The following DGKI variants were observed in gnomAD, a reference collection of about 807,000 sequenced individuals.
DGKI encodes DAG kinase iota.
A neutral mutation model predicts 147.5 loss-of-function variants in DGKI; 55 were observed. That is an observed-to-expected ratio of 0.37 (90% confidence interval 0.30 to 0.47). The LOEUF (loss-of-function observed/expected upper bound fraction) is 0.47, where lower values mean the gene tolerates loss of function less well. DGKI is among the 20% of genes least tolerant of loss of function. DGKI has a pLI of 1.00. For synonymous variants in DGKI, 469 were observed against 477.1 expected, an observed-to-expected ratio of 0.98 and a Z score of 0.22; for missense variants, 1,007 against 1,323.8, an observed-to-expected ratio of 0.76 and a Z score of 3.71.
At chr7:137,820,386 A>G (rs1259696725) in intron 1 of DGKI, among the ~76,000 whole-genome samples, 1 of 152,168 alleles carries the variant, frequency 6.6e-6, no homozygotes, top group African/African-American at 2.4e-5. Context: ...TTTCTGATTC[A>G]TCCCACAGAA....
At chr7:137,526,264 A>AACAT in intron 20 of DGKI, among the ~76,000 whole-genome samples, 1 of 152,194 alleles carries the variant, frequency 6.6e-6, no homozygotes, top group African/African-American at 2.4e-5. Context: ...GCCACAAGAT[A>AACAT]CTGCCATACT....
chr7:137,587,303 C>T, intron 12 of DGKI, 93 bp from the exon 13 acceptor site: 2 of 900,274 alleles, frequency 2.2e-6, no homozygotes, highest in South Asian at 2.3e-5. Context: ...AAGAGCTAAA[C>T]AGAATGGTTT....
At chr7:137,716,415 T>C (rs1287489790) in intron 1 of DGKI, among the ~76,000 whole-genome samples, 3 of 152,198 alleles carry the variant, frequency 2.0e-5, no homozygotes, top group African/African-American at 4.8e-5. Context: ...TCAAATTCTA[T>C]TGCTGTAACA....
intron 1 of DGKI, among the ~76,000 whole-genome samples, chr7:137,727,661 A>G (rs1005257948): frequency 6.6e-6 from 1 of 152,222 alleles, no homozygotes; most frequent in Non-Finnish European, 1.5e-5. Flanking sequence ...CTGTTCATCA[A>G]ACATTCAAAT....
At chr7:137,841,230 C>T (rs2117107656) in intron 1 of DGKI, among the ~76,000 whole-genome samples, 1 of 152,322 alleles carries the variant, frequency 6.6e-6, no homozygotes, top group East Asian at 1.9e-4. Context: ...AGGAGTTTTC[C>T]TGGTGAACAA....
chr7:137,536,250 T>C (rs912976578), intron 20 of DGKI, among the ~76,000 whole-genome samples: 3 of 152,174 alleles, frequency 2.0e-5, no homozygotes, highest in African/African-American at 4.8e-5. Context: ...ATAGGCAAGT[T>C]TCCTACCATT....
chr7:137,411,795 A>G (rs1585088176), intron 29 of DGKI, among the ~76,000 whole-genome samples: 1 of 152,318 alleles, frequency 6.6e-6, no homozygotes, highest in African/African-American at 2.4e-5. Context: ...AAACCACGAC[A>G]AGGAAAGATT....
At chr7:137,411,902 C>T (rs150824305) in intron 29 of DGKI, among the ~76,000 whole-genome samples, 41 of 152,254 alleles carry the variant, frequency 2.7e-4, no homozygotes, top group African/African-American at 9.6e-4. Flanking sequence ...TCTTTAAATT[C>T]TTCAAATGTC....
chr7:137,590,996 C>T (rs535041640), intron 12 of DGKI, among the ~76,000 whole-genome samples: 7 of 152,292 alleles, frequency 4.6e-5, no homozygotes, highest in South Asian at 4.1e-4. Flanking sequence ...GCTGATGCTG[C>T]GTCTTCTAAC....
intron 27 of DGKI, among the ~76,000 whole-genome samples, chr7:137,457,660 A>T (rs567524038): frequency 1.1e-3 from 162 of 152,288 alleles, no homozygotes; most frequent in Non-Finnish European, 2.0e-3. Flanking sequence ...GTATCTTGGT[A>T]TCTCCAAATA....
At chr7:137,577,857 T>C (rs570824095) in intron 16 of DGKI, among the ~76,000 whole-genome samples, 3 of 152,300 alleles carry the variant, frequency 2.0e-5, no homozygotes, top group African/African-American at 7.2e-5. Flanking sequence ...AAACACCCCA[T>C]ATTCTGCCAG....
intron 20 of DGKI, among the ~76,000 whole-genome samples, chr7:137,536,935 C>T (rs549685032): frequency 1.6e-4 from 25 of 152,140 alleles, no homozygotes; most frequent in African/African-American, 5.1e-4. Context: ...CAACATTAAC[C>T]GAGTTGCAGC....
chr7:137,484,683 T>G lies in DGKI; in HGVS notation c.2373+691A>C, dbSNP rs528874015. 2.6e-5 allele frequency among the ~76,000 whole-genome samples: 4 copies of G among 152,048 alleles called. No homozygotes were observed. In the South Asian group the frequency reaches 8.3e-4, roughly 32 times the overall value. On this transcript the variant is annotated intron_variant, in intron 23 of 32. Coordinates refer to ENST00000614521, the MANE Select transcript of DGKI (RefSeq NM_001321708.2). ...TGCATCACAAGTGGGATGGGGAAGT[T>G]GGAAAGAAACTGCACCCCCAAAGTC...
At chr7:137,738,337 A>C (rs1585427871) in intron 1 of DGKI, among the ~76,000 whole-genome samples, 1 of 152,236 alleles carries the variant, frequency 6.6e-6, no homozygotes, top group Admixed American at 6.5e-5. Context: ...ATACCTCTAC[A>C]CAATTATATG....
intron 10 of DGKI, among the ~76,000 whole-genome samples, chr7:137,605,106 C>G (rs1247607235): frequency 6.6e-6 from 1 of 151,850 alleles, no homozygotes; most frequent in African/African-American, 2.4e-5. Context: ...TCAGGCATTC[C>G]AGACCAGCCT....
intron 1 of DGKI, among the ~76,000 whole-genome samples, chr7:137,730,548 C>A (rs1050574349): frequency 6.6e-6 from 1 of 152,080 alleles, no homozygotes; most frequent in Non-Finnish European, 1.5e-5. Flanking sequence ...AATGCCATTT[C>A]TCTGCTTTAA....
intron 21 of DGKI, among the ~76,000 whole-genome samples, chr7:137,518,125 TC>T (rs1816844232): frequency 6.6e-6 from 1 of 152,056 alleles, no homozygotes; most frequent in Non-Finnish European, 1.5e-5. Context: ...CAGCAGGGCC[TC>T]TCTAACAACA....
At chr7:137,511,852 G>C (rs1404239863) in intron 21 of DGKI, among the ~76,000 whole-genome samples, 1 of 152,202 alleles carries the variant, frequency 6.6e-6, no homozygotes, top group Non-Finnish European at 1.5e-5. Flanking sequence ...CTCACTCAAG[G>C]TTTATCCCCT....
intron 21 of DGKI, among the ~76,000 whole-genome samples, chr7:137,503,834 A>T (rs1816270885): frequency 6.6e-6 from 1 of 151,746 alleles, no homozygotes. Flanking sequence ...TCCTATATTC[A>T]CTCCTCTAAG....
Sources: allele counts gnomAD v4.1 joint callset (sites outside exome capture counted in the v4.1 genomes callset), GRCh38; gene constraint gnomAD v4.1.1; transcripts MANE v1.5; gene names NCBI Gene and HGNC (gene_info 2026-07-23, HGNC 2026-07-21).